The following BRME1 variants were observed in gnomAD, a reference collection of about 807,000 sequenced individuals.
BRME1 encodes break repair meiotic recombinase recruitment factor 1.
BRME1 carries 31 observed loss-of-function variants against 52.6 expected under a neutral mutation model. That is an observed-to-expected ratio of 0.59 (90% CI 0.44 to 0.80). The LOEUF is 0.80. Ranked by LOEUF, BRME1 falls within the 30% of genes least tolerant of loss-of-function variation. BRME1 has a pLI of 0.00. For synonymous variants in BRME1, 359 were observed against 353.6 expected (o/e 1.02, Z -0.17); for missense variants, 804 against 860.3 (o/e 0.93, Z 0.82).
Position 13,883,634 on chromosome 19 carries a change from C to A in BRME1, c.1764-234G>T. On this transcript the variant is annotated intron_variant, in intron 7 of 8. Coordinates refer to ENST00000586783, the MANE Select transcript of BRME1 (RefSeq NM_001345843.2). The surrounding 1 kb of genome is among the most constrained non-coding windows in gnomAD (Gnocchi z 4.2). ...TGCCCTCTCAGGACGCTGCTGCCAC[C>A]GCCTCCCTATCTCCTGCCCCTGTGG... 2.1e-6 allele frequency: 1 copy of A among 486,202 alleles called. No individual in the cohort carries two copies. The allele number at this position is 486,202 out of a possible 1,614,324, so 30.1% of individuals were successfully genotyped here. A position where few individuals can be genotyped will look rare whatever the true frequency, so the allele number is the denominator to read the frequency against.
At chr19:13,886,477 C>T (rs1253768402) in intron 6 of BRME1, among the ~76,000 whole-genome samples, 1 of 152,210 alleles carries the variant, frequency 6.6e-6, no homozygotes, top group Non-Finnish European at 1.5e-5. Flanking sequence ...GAGTCGTCTA[C>T]CTTGGCTGAA....
intron 1 of BRME1, 114 bp from the exon 2 acceptor site, chr19:13,905,027 GC>G: frequency 1.2e-6 from 1 of 812,614 alleles, no homozygotes; most frequent in East Asian, 2.6e-5. Flanking sequence ...CCATTTGGCT[GC>G]CCCAGGGGTC....
rs1212386060 is a variant in BRME1, at chr19:13,888,499, T to G, written c.1668+689A>C. Reference sequence around the variant, plus strand: ...GTGTGCCAACGGCTAGGGAGGTCGCTCTTTCCCTGGGGGGCAGGGCTGAAG... The same window carrying G: ...GTGTGCCAACGGCTAGGGAGGTCGCGCTTTCCCTGGGGGGCAGGGCTGAAG... On this transcript the variant is annotated intron_variant, in intron 6 of 8. Transcript: ENST00000586783. The surrounding 1 kb of genome is among the most constrained non-coding windows in gnomAD (Gnocchi z 4.1). 6.6e-6 allele frequency: 1 copy of G among 152,194 alleles called. No homozygotes were observed. 9.4% of individuals were successfully genotyped at this position (152,194 alleles called of 1,614,324 possible).
chr19:13,892,197 G>A (rs1054732315), intron 5 of BRME1, among the ~76,000 whole-genome samples: 2 of 152,154 alleles, frequency 1.3e-5, no homozygotes, highest in Non-Finnish European at 2.9e-5. Flanking sequence ...GCCTAGTTTT[G>A]GTGATGGACT....
At position 13,884,628 on chromosome 19, in the gene BRME1, CA is replaced by C. The variant is rs35330501; in HGVS notation, c.1764-1229del. ...GGGTGATGGGAGTAAGACTGTGTCT[CA>C]AAAAAAAAAAAAAAATCACGGAAGA... is the stretch of plus-strand genomic sequence containing the variant. On this transcript the variant is annotated intron_variant, in intron 7 of 8. Transcript: ENST00000586783. Among the ~76,000 whole-genome samples, 963 of 125,282 alleles carry C rather than the reference CA, an allele frequency of 7.7e-3. 5 individuals carry two copies. The highest frequency in any genetic ancestry group is 0.018 in the African/African-American group (615 of 34,628). The allele number at this position is 125,282 out of a possible 152,430, so 82.2% of individuals were successfully genotyped here.
At chr19:13,885,550 G>T in intron 7 of BRME1, 1 of 167,116 alleles carries the variant, frequency 6.0e-6, no homozygotes, top group African/African-American at 2.4e-5. Context: ...AGACTCACTC[G>T]GGTGCCCGCC....
Position 13,889,307 on chromosome 19 carries a change from G to A in BRME1, c.1549C>T (p.Pro517Ser), listed in dbSNP as rs148291889. ...CAGGTGCCCTGGTCTGCAGAATGAG[G>A]CAGGTGGTCTCGCTGCCCTGCCAGC... is the stretch of plus-strand genomic sequence containing the variant. ...SELAGQRDHLPHSADQGTWAD... is the reference protein window; with the variant it reads ...SELAGQRDHLSHSADQGTWAD... Residue 517 changes from proline to serine, a missense_variant, in exon 6 of 9, where the codon CCT (proline) becomes TCT (serine). Transcript: ENST00000586783. 1.2e-6 allele frequency: 2 copies of A among 1,614,044 alleles called. No individual in the cohort carries two copies. Among genetic ancestry groups the A allele is most frequent in the Non-Finnish European group, 8.5e-7 (1 of 1,180,036 alleles).
chr19:13,904,714 A>C (rs1450902255), intron 2 of BRME1, 148 bp downstream of exon 2: 1 of 777,302 alleles, frequency 1.3e-6, no homozygotes, highest in Non-Finnish European at 2.2e-6. Flanking sequence ...TGCTGAGATT[A>C]CAGGTGTGAG....
chr19:13,893,071 G>GAGAC, intron 4 of BRME1, 71 bp downstream of exon 4: 1 of 1,459,794 alleles, frequency 6.9e-7, no homozygotes, highest in Non-Finnish European at 9.4e-7. Context: ...ACAAAGAAGG[G>GAGAC]AGACACAGAG....
intron 2 of BRME1, among the ~76,000 whole-genome samples, chr19:13,904,008 C>G (rs11882357): frequency 1.3e-5 from 2 of 152,174 alleles, no homozygotes; most frequent in Non-Finnish European, 2.9e-5. Context: ...GGGAGGCCTC[C>G]TCTAAGCTGT....
intron 2 of BRME1, among the ~76,000 whole-genome samples, chr19:13,901,709 AAAG>A (rs2145229926): frequency 6.6e-6 from 1 of 151,414 alleles, no homozygotes; most frequent in South Asian, 2.1e-4. Context: ...AAAAAAAAAA[AAAG>A]AAAAAAGCTC....
chr19:13,895,184 A>G (rs1191519164), intron 3 of BRME1, among the ~76,000 whole-genome samples, 188 bp downstream of exon 3: 2 of 152,018 alleles, frequency 1.3e-5, no homozygotes, highest in Non-Finnish European at 2.9e-5. Context: ...CGGCTAAAAC[A>G]TCAACCCTTC....
chr19:13,885,877 T>TG (rs1697859504), intron 7 of BRME1, 84 bp downstream of exon 7: 1 of 1,200,294 alleles, frequency 8.3e-7, no homozygotes. Context: ...GAGGGAGAAC[T>TG]GGGGTCTGTC....
At chr19:13,897,003 C>G (rs1358877138) in intron 2 of BRME1, among the ~76,000 whole-genome samples, 1 of 147,394 alleles carries the variant, frequency 6.8e-6, no homozygotes, top group African/African-American at 2.5e-5. Flanking sequence ...TCGCCAGAAT[C>G]TATCTTTTGA....
intron 5 of BRME1, among the ~76,000 whole-genome samples, chr19:13,891,253 A>G (rs905257862): frequency 5.3e-5 from 8 of 151,078 alleles, no homozygotes; most frequent in African/African-American, 2.0e-4. Context: ...GGGTTCACGC[A>G]ATTCTCCTGC....
chr19:13,883,654 C>A lies in BRME1; in HGVS notation c.1764-254G>T. The A allele has an allele frequency of 2.2e-6, 1 of 454,384 alleles. No individual in the cohort carries two copies. The highest frequency in any genetic ancestry group is 4.0e-6 in the Non-Finnish European group (1 of 248,078). The allele number at this position is 454,384 out of a possible 1,614,324, so 28.1% of individuals were successfully genotyped here. A position where few individuals can be genotyped will look rare whatever the true frequency, so the allele number is the denominator to read the frequency against. On this transcript the variant is annotated intron_variant, in intron 7 of 8. Transcript: ENST00000586783. This position sits in a 1 kb window ranked among gnomAD's most constrained non-coding sequence, Gnocchi z 4.2. The stretch of plus-strand genomic sequence containing the variant: ...GCCACCGCCTCCCTATCTCCTGCCC[C>A]TGTGGCTTGTCCCCCACAGGCACTG...
Position 13,883,279 on chromosome 19 carries a change from T to G in BRME1, c.1856+29A>C, listed in dbSNP as rs1314270990. On this transcript the variant is annotated intron_variant, in intron 8 of 8. Coordinates refer to ENST00000586783, the MANE Select transcript of BRME1 (RefSeq NM_001345843.2). The surrounding 1 kb of genome is among the most constrained non-coding windows in gnomAD (Gnocchi z 4.2). ...GTCCCCACTGGCCTCCCGCAGACCC[T>G]GTGCCGTGAGTCCAAGCCCACCCCG... 2.0e-6 allele frequency: 3 copies of G among 1,514,694 alleles called. No individual in the cohort carries two copies. Among genetic ancestry groups the G allele is most frequent in the Middle Eastern group, 1.7e-4 (1 of 5,936 alleles). The allele number at this position is 1,514,694 out of a possible 1,614,324, so 93.8% of individuals were successfully genotyped here. A position where few individuals can be genotyped will look rare whatever the true frequency, so the allele number is the denominator to read the frequency against.
chr19:13,889,757 A>G lies in BRME1; in HGVS notation c.1099T>C (p.Ser367Pro), dbSNP rs765190651. ...GCCTTCCTCCTGGGAGAGGCAGGTG[A>G]TATGGCACTGGCCTGCCCATCGGGC... ...AGPDGQASAI[S>P]PASPRRKAAD... The change falls in exon 6 of 9, where the codon TCA becomes CCA. Residue 367 changes from serine (S) to proline (P), a missense_variant. By Grantham distance (74) the Ser-to-Pro change is moderately conservative. Around this residue, in one of 3 missense-constraint regions of BRME1, gnomAD observed 552 missense variants for 561.1 expected, o/e 0.98. Transcript: ENST00000586783. The G allele has an allele frequency of 1.2e-6, 2 of 1,610,440 alleles. No individual in the cohort carries two copies. Among genetic ancestry groups the G allele is most frequent in the Non-Finnish European group, 1.7e-6 (2 of 1,179,192 alleles).
chr19:13,897,875 A>G (rs1309109038), intron 2 of BRME1, among the ~76,000 whole-genome samples: 1 of 150,424 alleles, frequency 6.6e-6, no homozygotes, highest in Non-Finnish European at 1.5e-5. Context: ...AAACATTTAA[A>G]TTAAACATTT....
Sources: gnomAD v4.1 joint callset for allele counts (sites outside exome capture counted in the v4.1 genomes callset) on GRCh38, gnomAD v4.1.1 for gene constraint, gnomAD v4.1.1 regional missense constraint, Gnocchi (gnomAD v3.1) non-coding constraint, MANE v1.5 for transcripts, NCBI Gene and HGNC (gene_info 2026-07-23, HGNC 2026-07-21) for gene names.